Variants in TENM3 observed in about 807,000 individuals in gnomAD.
TENM3 encodes the protein teneurin-3.
Under a neutral mutation model 255.1 loss-of-function variants are expected in TENM3, and 63 were observed. The ratio of observed to expected loss-of-function variants is 0.25; its 90% confidence interval spans 0.20 to 0.30. TENM3 has a LOEUF of 0.30. Among genes scored for constraint, TENM3 ranks in the 10% least tolerant of loss-of-function variants. TENM3 has a pLI of 1.00. For synonymous variants in TENM3, 1,306 were observed against 1,322.3 expected (o/e 0.99, Z 0.27); for missense variants, 2,929 against 3,461.1 (o/e 0.85, Z 3.86).
the TENM3 span, among the ~76,000 whole-genome samples, chr4:181,803,616 A>G: frequency 0.24 from 35,900 of 152,022 alleles, 4,698 homozygotes; most frequent in South Asian, 0.31. Context: ...AAGGGGAATT[A>G]ATAGACAATA....
chr4:182,413,659 C>T (rs1005624577), intron 3 of TENM3, among the ~76,000 whole-genome samples: 4 of 151,982 alleles, frequency 2.6e-5, no homozygotes, highest in Non-Finnish European at 5.9e-5. Flanking sequence ...ACTCCCAAAC[C>T]GAAGTGTTCT....
the TENM3 span, among the ~76,000 whole-genome samples, chr4:181,453,436 G>T: frequency 6.6e-6 from 1 of 152,072 alleles, no homozygotes; most frequent in Admixed American, 6.6e-5. Context: ...TGGAGGAAAA[G>T]GTCACTAAGA....
At chr4:182,459,163 T>A (rs1392496185) in intron 3 of TENM3, among the ~76,000 whole-genome samples, 1 of 152,206 alleles carries the variant, frequency 6.6e-6, no homozygotes, top group Non-Finnish European at 1.5e-5. Context: ...TTCAAAAAAA[T>A]TAGATCTATT....
intron 3 of TENM3, among the ~76,000 whole-genome samples, chr4:182,429,226 A>G (rs2151181958): frequency 6.6e-6 from 1 of 152,326 alleles, no homozygotes; most frequent in African/African-American, 2.4e-5. Context: ...TGAATTAGAG[A>G]AGAATTTAGG....
the TENM3 span, among the ~76,000 whole-genome samples, chr4:182,071,946 A>G: frequency 6.6e-6 from 1 of 152,192 alleles, no homozygotes; most frequent in Admixed American, 6.5e-5. Flanking sequence ...CCAAAACCAA[A>G]ACAAAACAAA....
intron 1 of TENM3, among the ~76,000 whole-genome samples, chr4:182,178,430 A>G (rs1003643465): frequency 1.1e-4 from 17 of 152,202 alleles, no homozygotes; most frequent in African/African-American, 4.1e-4. Flanking sequence ...TAGTGATTCA[A>G]ACAATGTGAC....
At chr4:181,652,986 T>G in the TENM3 span, among the ~76,000 whole-genome samples, 1 of 152,216 alleles carries the variant, frequency 6.6e-6, no homozygotes, top group Non-Finnish European at 1.5e-5. Flanking sequence ...TAGCAATTCT[T>G]TCAATACATG....
the TENM3 span, among the ~76,000 whole-genome samples, chr4:181,646,765 C>T: frequency 7.9e-5 from 12 of 152,102 alleles, no homozygotes; most frequent in African/African-American, 2.9e-4. Context: ...CCCTGCCTCC[C>T]CTGGGTACAA....
chr4:182,039,069 C>T, the TENM3 span, among the ~76,000 whole-genome samples: 1 of 152,060 alleles, frequency 6.6e-6, no homozygotes, highest in Non-Finnish European at 1.5e-5. Context: ...AATTCGAATC[C>T]AACTTTCTAG....
intron 3 of TENM3, chr4:182,449,174 C>T (rs1773224816): frequency 1.3e-5 from 2 of 151,964 alleles, no homozygotes; most frequent in African/African-American, 5.5e-5. Context: ...GTCGCTCGCT[C>T]GCTCCGGGGA....
intron 3 of TENM3, among the ~76,000 whole-genome samples, chr4:182,536,837 T>G (rs1740378746): frequency 6.6e-6 from 1 of 152,214 alleles, no homozygotes; most frequent in South Asian, 2.1e-4. Context: ...AGCTGAAGTT[T>G]AATTCATGTA....
At chr4:182,551,271 C>T (rs1426079566) in intron 3 of TENM3, among the ~76,000 whole-genome samples, 3 of 150,576 alleles carry the variant, frequency 2.0e-5, no homozygotes, top group Non-Finnish European at 4.4e-5. Flanking sequence ...CTTCATTTGT[C>T]CATAATAACA....
intron 3 of TENM3, among the ~76,000 whole-genome samples, chr4:182,430,511 G>A (rs1771541301): frequency 6.6e-6 from 1 of 152,088 alleles, no homozygotes; most frequent in African/African-American, 2.4e-5. Context: ...TTGTGCCACT[G>A]CACTCCAGCC....
the TENM3 span, among the ~76,000 whole-genome samples, chr4:181,953,342 T>A: frequency 1.1e-4 from 16 of 152,096 alleles, no homozygotes; most frequent in Non-Finnish European, 2.2e-4. Context: ...CTTCATCACT[T>A]CAACACATAG....
At chr4:181,806,970 G>A in the TENM3 span, among the ~76,000 whole-genome samples, 7 of 152,196 alleles carry the variant, frequency 4.6e-5, no homozygotes, top group South Asian at 2.1e-4. Flanking sequence ...CAGGCACACA[G>A]TGTAGATACT....
At position 182,169,044 on chromosome 4, in the gene TENM3, T is replaced by G. The variant is rs185773946; in HGVS notation, c.-76+24290T>G. On this transcript the variant is annotated intron_variant, in intron 1 of 2. Transcript: ENST00000512480. ...ACAGCTATATGAGGGAAAACGTATA[T>G]GGACAGATATATGTCATATAATCAT... Among the ~76,000 whole-genome samples, 8 of 151,324 alleles carry G rather than the reference T, an allele frequency of 5.3e-5. No homozygotes were observed. In the East Asian group the frequency reaches 1.4e-3, roughly 26 times the overall value.
chr4:181,551,219 A>G, the TENM3 span, among the ~76,000 whole-genome samples: 8 of 152,336 alleles, frequency 5.3e-5, no homozygotes, highest in East Asian at 1.5e-3. Context: ...TTGAGGAAGC[A>G]TATATTTTGT....
chr4:182,545,054 G>A (rs1453854645), intron 3 of TENM3, among the ~76,000 whole-genome samples: 9 of 152,104 alleles, frequency 5.9e-5, no homozygotes, highest in Non-Finnish European at 1.3e-4. Flanking sequence ...CCCCATCTCT[G>A]CAGAGATTAA....
chr4:181,474,773 T>C, the TENM3 span, among the ~76,000 whole-genome samples: 2 of 150,396 alleles, frequency 1.3e-5, no homozygotes, highest in African/African-American at 4.9e-5. Flanking sequence ...TTTCCATAGC[T>C]CTGTCCAGTG....
Sources: allele counts gnomAD v4.1 joint callset (sites outside exome capture counted in the v4.1 genomes callset), GRCh38; gene constraint gnomAD v4.1.1; transcripts MANE v1.5; gene names NCBI Gene and HGNC (gene_info 2026-07-23, HGNC 2026-07-21).